Variants in FMN1 observed in about 807,000 individuals in gnomAD.
FMN1 encodes the protein formin 1.
A neutral mutation model predicts 132.4 loss-of-function variants in FMN1; 110 were observed. That is an observed-to-expected ratio of 0.83 (90% CI 0.71 to 0.97). The LOEUF is 0.97. Among genes scored for constraint, FMN1 ranks in the 50% least tolerant of loss-of-function variants. The pLI is 0.00. For missense variants in FMN1, 1,792 were observed against 1,705.3 expected (o/e 1.05, Z -0.90); for synonymous variants, 722 against 651.7 (o/e 1.11, Z -1.64).
At chr15:33,016,858 C>T (rs1327849712) in intron 6 of FMN1, among the ~76,000 whole-genome samples, 2 of 152,200 alleles carry the variant, frequency 1.3e-5, no homozygotes, top group Non-Finnish European at 2.9e-5. Flanking sequence ...CCGCAGAAGC[C>T]ATAGCCCAGT....
At chr15:32,923,308 A>G (rs1464573079) in intron 10 of FMN1, among the ~76,000 whole-genome samples, 2 of 152,248 alleles carry the variant, frequency 1.3e-5, no homozygotes, top group Admixed American at 1.3e-4. Flanking sequence ...TGACAACACA[A>G]GGCCAAGTAC....
chr15:32,921,384 G>A (rs1332710820), intron 10 of FMN1, among the ~76,000 whole-genome samples: 1 of 152,180 alleles, frequency 6.6e-6, no homozygotes, highest in Non-Finnish European at 1.5e-5. Flanking sequence ...GCAGTGAGAT[G>A]AGATGCAGGT....
intron 16 of FMN1, among the ~76,000 whole-genome samples, chr15:32,864,966 C>T (rs184687768): frequency 3.3e-5 from 5 of 152,228 alleles, no homozygotes; most frequent in Admixed American, 2.0e-4. Flanking sequence ...CATAGAAGAA[C>T]GTTGAAAACA....
intron 7 of FMN1, among the ~76,000 whole-genome samples, chr15:33,003,326 T>G (rs2034222429): frequency 6.6e-6 from 1 of 152,178 alleles, no homozygotes; most frequent in Non-Finnish European, 1.5e-5. Flanking sequence ...AAAATCTCCT[T>G]AAGCTGATAA....
chr15:32,883,692 T>C (rs12903870), intron 16 of FMN1, among the ~76,000 whole-genome samples: 1 of 152,044 alleles, frequency 6.6e-6, no homozygotes, highest in Non-Finnish European at 1.5e-5. Context: ...ACAATCAATA[T>C]CCTTTCTTCT....
rs398026774 is a variant in FMN1, at chr15:33,069,993, C to CTCTCTTTTTTTTT, written c.2044-4920_2044-4919insAAAAAAAAAGAGA. Among the ~76,000 whole-genome samples the CTCTCTTTTTTTTT allele has an allele frequency of 4.7e-4, 35 of 74,326 alleles. 1 individual carries two copies. Among genetic ancestry groups the CTCTCTTTTTTTTT allele is most frequent in the Admixed American group, 7.4e-4 (4 of 5,388 alleles). The allele number at this position is 74,326 out of a possible 152,430, so 48.8% of individuals were successfully genotyped here. On this transcript the variant is annotated intron_variant, in intron 5 of 20. Coordinates refer to ENST00000616417, the MANE Select transcript of FMN1 (RefSeq NM_001277313.2). ...AACAGATCATAAGATCAGTCTTTCTCTTTTTTTTTTTTTTTTTTTTTTTTT... is the reference window on the plus strand; with the variant it reads ...AACAGATCATAAGATCAGTCTTTCTCTCTCTTTTTTTTTTTTTTTTTTTTTTTTTTTTTTTTTT...
At chr15:32,974,549 C>T (rs924704614) in intron 7 of FMN1, among the ~76,000 whole-genome samples, 20 of 152,226 alleles carry the variant, frequency 1.3e-4, no homozygotes, top group African/African-American at 4.8e-4. Context: ...GTTCTCAAGC[C>T]CTGCTCCCAT....
chr15:33,104,635 C>T (rs2039415266), intron 4 of FMN1, among the ~76,000 whole-genome samples: 1 of 151,984 alleles, frequency 6.6e-6, no homozygotes, highest in Non-Finnish European at 1.5e-5. Flanking sequence ...ACTAGGGAAG[C>T]TAGTAATACG....
At chr15:32,857,577 A>T (rs764938509) in intron 16 of FMN1, among the ~76,000 whole-genome samples, 10 of 152,202 alleles carry the variant, frequency 6.6e-5, no homozygotes, top group African/African-American at 2.4e-4. Context: ...GTGATTGGCC[A>T]GGGTGACACA....
At chr15:32,978,287 G>T (rs1462321236) in intron 7 of FMN1, among the ~76,000 whole-genome samples, 1 of 152,214 alleles carries the variant, frequency 6.6e-6, no homozygotes, top group Non-Finnish European at 1.5e-5. Flanking sequence ...AATCTGCACT[G>T]AGGTTTATAC....
chr15:33,001,709 C>CCCT (rs141163075), intron 7 of FMN1, among the ~76,000 whole-genome samples: 11 of 137,642 alleles, frequency 8.0e-5, no homozygotes, highest in East Asian at 2.2e-4. Context: ...TCCCCCTTCC[C>CCCT]CCTCCTCCTC....
intron 4 of FMN1, among the ~76,000 whole-genome samples, chr15:33,114,928 T>C (rs545206410): frequency 6.6e-6 from 1 of 152,076 alleles, no homozygotes; most frequent in South Asian, 2.1e-4. Flanking sequence ...GCCAGCTAAC[T>C]GAAAAGTTTA....
chr15:32,969,293 A>C lies in FMN1; in HGVS notation c.2408T>G (p.Val803Gly). The C allele has an allele frequency of 6.2e-7, 1 of 1,613,950 alleles. No homozygotes were observed. Among genetic ancestry groups the C allele is most frequent in the Non-Finnish European group, 8.5e-7 (1 of 1,179,894 alleles). The change falls in exon 8 of 21, where the codon GTG becomes GGG. Residue 803 changes from valine to glycine, a missense_variant. Val to Gly is a moderately radical substitution (Grantham distance 109). Transcript: ENST00000616417. ...GGTCTCTCTGTCTGTCTGGACGCAC[A>C]CATTTCTGAAGGTCTTTGGAGGGCA... ...DDCPPKTFRN[V>G]CVQTDRETFL...
rs559189538 is a variant in FMN1 at position 32,896,130 on chromosome 15, CTTT to C, written c.3714+2701_3714+2703del. Among the ~76,000 whole-genome samples the C allele has an allele frequency of 6.5e-3, 982 of 152,108 alleles. 11 individuals carry two copies. The highest frequency in any genetic ancestry group is 0.023 in the African/African-American group (935 of 41,538). ...CTCTTACCAATTACTTGAAATTTCT[CTTT>C]TATCACATACTTGACACATATTTAT... On this transcript the variant is annotated intron_variant, in intron 15 of 20. Transcript: ENST00000616417.
chr15:33,116,108 T>G (rs2039913950), intron 4 of FMN1, among the ~76,000 whole-genome samples: 1 of 152,194 alleles, frequency 6.6e-6, no homozygotes, highest in Admixed American at 6.5e-5. Flanking sequence ...TTTAGCTATG[T>G]CCCTGGCATT....
intron 10 of FMN1, among the ~76,000 whole-genome samples, chr15:32,912,742 A>G (rs1316278594): frequency 6.6e-6 from 1 of 150,626 alleles, no homozygotes; most frequent in Non-Finnish European, 1.5e-5. Flanking sequence ...AAGGTATAGA[A>G]AAAAAAAAAT....
At chr15:32,934,056 T>C (rs1327842728) in intron 9 of FMN1, among the ~76,000 whole-genome samples, 2 of 151,374 alleles carry the variant, frequency 1.3e-5, no homozygotes, top group African/African-American at 4.9e-5. Flanking sequence ...TGTCTTTTTC[T>C]ATATTGATGA....
At chr15:32,952,581 T>G (rs1374792616) in intron 9 of FMN1, among the ~76,000 whole-genome samples, 1 of 152,160 alleles carries the variant, frequency 6.6e-6, no homozygotes, top group African/African-American at 2.4e-5. Context: ...CTGGGTTTTG[T>G]GCATATTTTA....
chr15:33,106,388 C>T (rs912501466), intron 4 of FMN1, among the ~76,000 whole-genome samples: 1 of 151,758 alleles, frequency 6.6e-6, no homozygotes, highest in Admixed American at 6.6e-5. Flanking sequence ...TTAAAGTCAG[C>T]TTTCTTCAAT....
Sources: allele counts gnomAD v4.1 joint callset (sites outside exome capture counted in the v4.1 genomes callset), GRCh38; gene constraint gnomAD v4.1.1; transcripts MANE v1.5; gene names NCBI Gene and HGNC (gene_info 2026-07-23, HGNC 2026-07-21).